Variants in KCND2 observed in about 807,000 individuals in gnomAD.
KCND2 encodes A-type voltage-gated potassium channel KCND2.
Under a neutral mutation model 54.4 loss-of-function variants are expected in KCND2, and 16 were observed. The ratio of observed to expected loss-of-function variants is 0.29; its 90% CI spans 0.20 to 0.45. KCND2 has a LOEUF of 0.45. Among genes scored for constraint, KCND2 ranks in the 20% least tolerant of loss-of-function variants. The probability of loss-of-function intolerance (pLI) is 1.00; values close to 1 mark genes in which losing one functional copy is unlikely to be tolerated. For synonymous variants in KCND2, 317 were observed against 310.7 expected, an observed-to-expected ratio of 1.02 and a Z score of -0.21; for missense variants, 486 against 824.2, an observed-to-expected ratio of 0.59 and a Z score of 5.02.
At chr7:120,598,078 T>TAA (rs545790038) in intron 1 of KCND2, among the ~76,000 whole-genome samples, 2 of 140,526 alleles carry the variant, frequency 1.4e-5, no homozygotes, top group Non-Finnish European at 1.6e-5. Context: ...CCAAAAAAAC[T>TAA]AAAAAAAAAA....
chr7:120,422,997 A>G (rs1469710563), intron 1 of KCND2, among the ~76,000 whole-genome samples: 1 of 152,222 alleles, frequency 6.6e-6, no homozygotes, highest in Non-Finnish European at 1.5e-5. Context: ...AACTGCTGCT[A>G]TATAGTGTCA....
At chr7:120,631,568 A>G (rs1793234465) in intron 1 of KCND2, among the ~76,000 whole-genome samples, 1 of 152,078 alleles carries the variant, frequency 6.6e-6, no homozygotes, top group African/African-American at 2.4e-5. Flanking sequence ...TGCATATTCT[A>G]CTTGATGGAA....
intron 1 of KCND2, among the ~76,000 whole-genome samples, chr7:120,335,521 CT>C (rs1800137629): frequency 6.6e-6 from 1 of 150,682 alleles, no homozygotes; most frequent in African/African-American, 2.4e-5. Flanking sequence ...GAGTCTCGCT[CT>C]GTCGCCCAGG....
intron 1 of KCND2, among the ~76,000 whole-genome samples, chr7:120,392,430 G>GT (rs1038610900): frequency 2.5e-4 from 37 of 149,246 alleles, no homozygotes; most frequent in East Asian, 5.9e-4. Context: ...ATTTAAAGTA[G>GT]TTTTTTTTGT....
chr7:120,435,629 A>G (rs1801854543), intron 1 of KCND2, among the ~76,000 whole-genome samples: 1 of 152,122 alleles, frequency 6.6e-6, no homozygotes, highest in Non-Finnish European at 1.5e-5. Flanking sequence ...ACAATTCAGA[A>G]TCAATCAAGA....
At chr7:120,387,255 A>G (rs772744769) in intron 1 of KCND2, among the ~76,000 whole-genome samples, 16 of 152,040 alleles carry the variant, frequency 1.1e-4, no homozygotes, top group Non-Finnish European at 1.9e-4. Flanking sequence ...TTAAAATGAC[A>G]CATTAGTTAT....
intron 1 of KCND2, among the ~76,000 whole-genome samples, chr7:120,408,893 A>T (rs1801405807): frequency 6.6e-6 from 1 of 151,978 alleles, no homozygotes; most frequent in African/African-American, 2.4e-5. Context: ...TGGAGTATTT[A>T]AATTACATGA....
chr7:120,534,188 G>C (rs911694000), intron 1 of KCND2, among the ~76,000 whole-genome samples: 2 of 152,278 alleles, frequency 1.3e-5, no homozygotes, highest in Middle Eastern at 3.4e-3. Context: ...CTGAAAAGGG[G>C]CAGGGGCTGA....
intron 1 of KCND2, among the ~76,000 whole-genome samples, chr7:120,422,590 TC>T (rs1801640900): frequency 6.6e-6 from 1 of 152,188 alleles, no homozygotes; most frequent in Admixed American, 6.5e-5. Flanking sequence ...AACCATAATA[TC>T]CCCATCCTTT....
chr7:120,595,735 T>C (rs1792736750), intron 1 of KCND2, among the ~76,000 whole-genome samples: 1 of 151,372 alleles, frequency 6.6e-6, no homozygotes. Context: ...TGAGGGCCCA[T>C]TGTGTAAAAA....
At chr7:120,635,257 A>C (rs1284060146) in intron 1 of KCND2, among the ~76,000 whole-genome samples, 1 of 152,202 alleles carries the variant, frequency 6.6e-6, no homozygotes, top group Non-Finnish European at 1.5e-5. Flanking sequence ...AAACTGATGT[A>C]GCAGATAAGT....
At chr7:120,722,259 C>T (rs1327746045) in intron 1 of KCND2, among the ~76,000 whole-genome samples, 1 of 152,170 alleles carries the variant, frequency 6.6e-6, no homozygotes, top group African/African-American at 2.4e-5. Context: ...AACCCAGGCC[C>T]TACCTGGAGT....
At chr7:120,358,456 A>G (rs1487521322) in intron 1 of KCND2, among the ~76,000 whole-genome samples, 1 of 152,118 alleles carries the variant, frequency 6.6e-6, no homozygotes, top group Non-Finnish European at 1.5e-5. Flanking sequence ...CTTGCACTGA[A>G]TTCAAACTTT....
intron 1 of KCND2, among the ~76,000 whole-genome samples, chr7:120,619,083 A>T (rs984666366): frequency 6.6e-6 from 1 of 152,222 alleles, no homozygotes; most frequent in Non-Finnish European, 1.5e-5. Flanking sequence ...GAGACTCTGT[A>T]CTACATAAGT....
chr7:120,581,176 C>T (rs1158521123), intron 1 of KCND2, among the ~76,000 whole-genome samples: 1 of 152,182 alleles, frequency 6.6e-6, no homozygotes. Context: ...TAAGCTTATT[C>T]ATACATTCTG....
intron 1 of KCND2, among the ~76,000 whole-genome samples, chr7:120,685,345 A>G (rs1238064869): frequency 1.3e-5 from 2 of 152,198 alleles, no homozygotes; most frequent in Admixed American, 1.3e-4. Flanking sequence ...CTTCAGCGTC[A>G]TTAGAATTTT....
At chr7:120,276,722 A>C (rs1323183578) in intron 1 of KCND2, among the ~76,000 whole-genome samples, 1 of 152,130 alleles carries the variant, frequency 6.6e-6, no homozygotes, top group Non-Finnish European at 1.5e-5. Flanking sequence ...AAGTTTTTTT[A>C]GGTAGTAGAG....
intron 1 of KCND2, among the ~76,000 whole-genome samples, chr7:120,350,862 C>T (rs1164299629): frequency 2.0e-5 from 3 of 152,014 alleles, no homozygotes; most frequent in Admixed American, 6.6e-5. Flanking sequence ...ACAACCAGGT[C>T]CACTGGATAT....
intron 1 of KCND2, among the ~76,000 whole-genome samples, chr7:120,580,790 A>G (rs939375318): frequency 6.6e-6 from 1 of 152,184 alleles, no homozygotes; most frequent in African/African-American, 2.4e-5. Context: ...AAACTTTCAT[A>G]ACTTGTTTTT....
Sources: gnomAD v4.1 joint callset for allele counts (sites outside exome capture counted in the v4.1 genomes callset) on GRCh38, gnomAD v4.1.1 for gene constraint, MANE v1.5 for transcripts, NCBI Gene and HGNC (gene_info 2026-07-23, HGNC 2026-07-21) for gene names.